Variants in CPQ observed in about 807,000 individuals in gnomAD.
The protein encoded by CPQ is Ser-Met dipeptidase.
A neutral mutation model predicts 45.7 loss-of-function variants in CPQ; 37 were observed. The ratio of observed to expected loss-of-function variants is 0.81; its 90% CI spans 0.62 to 1.07. CPQ has a LOEUF of 1.07. Among genes scored for constraint, CPQ ranks in the 50% least tolerant of loss-of-function variants. The pLI, the probability that CPQ is intolerant of heterozygous loss-of-function variation, is 0.00. For synonymous variants in CPQ, 186 were observed against 205.8 expected (o/e 0.90, Z 0.82); for missense variants, 537 against 572.9 (o/e 0.94, Z 0.64).
intron 4 of CPQ, among the ~76,000 whole-genome samples, chr8:96,880,989 G>A (rs1257564612): frequency 1.3e-5 from 2 of 152,128 alleles, no homozygotes; most frequent in African/African-American, 4.8e-5. Flanking sequence ...AATGGTATTC[G>A]TGATGTGGAA....
At chr8:96,699,561 C>T (rs1809428863) in intron 1 of CPQ, among the ~76,000 whole-genome samples, 2 of 152,194 alleles carry the variant, frequency 1.3e-5, no homozygotes, top group East Asian at 3.9e-4. Context: ...AGTGATTATA[C>T]ACATTGTATG....
At chr8:96,954,693 C>T (rs556175581) in intron 4 of CPQ, among the ~76,000 whole-genome samples, 4 of 151,966 alleles carry the variant, frequency 2.6e-5, no homozygotes, top group African/African-American at 9.7e-5. Context: ...TGTGCTGCAC[C>T]CATTAACTCG....
At chr8:96,682,747 T>G (rs1310492608) in intron 1 of CPQ, among the ~76,000 whole-genome samples, 1 of 152,230 alleles carries the variant, frequency 6.6e-6, no homozygotes, top group Admixed American at 6.5e-5. Context: ...TTTTATCTGA[T>G]ATAACTATCA....
chr8:96,987,837 C>T (rs578135307), intron 5 of CPQ, among the ~76,000 whole-genome samples: 14 of 152,138 alleles, frequency 9.2e-5, no homozygotes, highest in South Asian at 2.1e-4. Flanking sequence ...TTTTTTCAAG[C>T]GGAGAGATTA....
At chr8:97,133,295 A>G (rs1384661994) in intron 7 of CPQ, 1 of 152,204 alleles carries the variant, frequency 6.6e-6, no homozygotes, top group Non-Finnish European at 1.5e-5. Context: ...AACTACATAC[A>G]GAGGGAAGGC....
intron 6 of CPQ, among the ~76,000 whole-genome samples, chr8:97,033,048 A>C (rs1012484978): frequency 1.3e-5 from 2 of 152,122 alleles, no homozygotes; most frequent in Admixed American, 6.5e-5. Context: ...GCCAGTGATC[A>C]AGAGGGGAGA....
At chr8:97,113,923 TG>T (rs1811541855) in intron 7 of CPQ, among the ~76,000 whole-genome samples, 1 of 152,196 alleles carries the variant, frequency 6.6e-6, no homozygotes, top group African/African-American at 2.4e-5. Flanking sequence ...GGCTACAACG[TG>T]GGCAGCAGAG....
At chr8:96,908,748 C>CGCAA (rs201723945) in intron 4 of CPQ, among the ~76,000 whole-genome samples, 7 of 292 alleles carry the variant, frequency 0.024, no homozygotes, top group African/African-American at 0.19. Flanking sequence ...TACACATGCG[C>CGCAA]ACACACACAC....
chr8:96,808,668 G>T (rs1177644245), intron 2 of CPQ, among the ~76,000 whole-genome samples: 2 of 152,264 alleles, frequency 1.3e-5, no homozygotes, highest in Non-Finnish European at 1.5e-5. Flanking sequence ...CTCCTTCGTG[G>T]TGGCCGTAAG....
At position 96,881,801 on chromosome 8, in the gene CPQ, G is replaced by C. The variant is rs943341389; in HGVS notation, c.849+1796G>C. Among the ~76,000 whole-genome samples, 3 of 152,306 alleles carry C rather than the reference G, an allele frequency of 2.0e-5. 1 individual carries two copies. The highest frequency in any genetic ancestry group is 7.2e-5 in the African/African-American group (3 of 41,568). On this transcript the variant is annotated intron_variant, in intron 4 of 7. Coordinates refer to ENST00000220763, the MANE Select transcript of CPQ (RefSeq NM_016134.4). The stretch of plus-strand genomic sequence containing the variant: ...TATTGTGAGGACTAGATTAGGTAAG[G>C]CACATCAAATAGCTTTGTTGAGTGT...
chr8:96,695,785 G>A (rs1359278142), intron 1 of CPQ, among the ~76,000 whole-genome samples: 1 of 151,020 alleles, frequency 6.6e-6, no homozygotes, highest in East Asian at 1.9e-4. Context: ...AAAAAGTCAG[G>A]GAACAACAGG....
At chr8:96,844,006 T>C (rs1389412473) in intron 3 of CPQ, among the ~76,000 whole-genome samples, 1 of 152,244 alleles carries the variant, frequency 6.6e-6, no homozygotes, top group Non-Finnish European at 1.5e-5. Context: ...GCATTCATAA[T>C]TGTAAAATAT....
intron 4 of CPQ, among the ~76,000 whole-genome samples, chr8:96,956,008 G>T (rs1813351548): frequency 6.6e-6 from 1 of 152,086 alleles, no homozygotes; most frequent in African/African-American, 2.4e-5. Flanking sequence ...GGCAACAAAA[G>T]CCAAAATCGA....
intron 5 of CPQ, among the ~76,000 whole-genome samples, chr8:97,001,266 C>T (rs1809275279): frequency 6.6e-6 from 1 of 152,060 alleles, no homozygotes; most frequent in Non-Finnish European, 1.5e-5. Flanking sequence ...GCCTGAGCTT[C>T]CAATATTATG....
chr8:96,650,123 T>C (rs1359025423), intron 1 of CPQ, among the ~76,000 whole-genome samples: 2 of 152,236 alleles, frequency 1.3e-5, no homozygotes, highest in East Asian at 3.8e-4. Context: ...CTTTGATTTC[T>C]CATCTTATTC....
At chr8:97,039,640 C>G (rs946663691) in intron 6 of CPQ, among the ~76,000 whole-genome samples, 2 of 151,844 alleles carry the variant, frequency 1.3e-5, no homozygotes, top group Admixed American at 1.3e-4. Context: ...CCACTCCCCC[C>G]ACCCCACAAC....
intron 3 of CPQ, among the ~76,000 whole-genome samples, chr8:96,871,658 G>T (rs1008230581): frequency 6.7e-6 from 1 of 148,646 alleles, no homozygotes; most frequent in Non-Finnish European, 1.5e-5. Context: ...GTTTCTCAAA[G>T]AACCCAATGA....
chr8:96,796,821 A>G (rs181950566), intron 2 of CPQ, among the ~76,000 whole-genome samples: 45 of 152,314 alleles, frequency 3.0e-4, no homozygotes, highest in Admixed American at 5.9e-4. Flanking sequence ...TGGGAATAAT[A>G]TAGGAGTGAG....
intron 2 of CPQ, among the ~76,000 whole-genome samples, chr8:96,834,565 T>C (rs1032070387): frequency 2.0e-5 from 3 of 152,220 alleles, no homozygotes; most frequent in African/African-American, 7.2e-5. Flanking sequence ...AAAATAGTTA[T>C]ATAAAAAGAT....
Sources: allele counts gnomAD v4.1 joint callset (sites outside exome capture counted in the v4.1 genomes callset), GRCh38; gene constraint gnomAD v4.1.1; transcripts MANE v1.5; gene names NCBI Gene and HGNC (gene_info 2026-07-23, HGNC 2026-07-21).